FAM220A: variants seen among roughly 807,000 people sequenced by gnomAD.
FAM220A encodes protein FAM220A.
For synonymous variants in FAM220A, 141 were observed against 130.7 expected (o/e 1.08, Z -0.54); for missense variants, 392 against 321.6 (o/e 1.22, Z -1.68).
chr7:6,345,553 G>GT (rs1162433848), intron 1 of FAM220A, among the ~76,000 whole-genome samples: 1 of 152,102 alleles, frequency 6.6e-6, no homozygotes, highest in African/African-American at 2.4e-5. Flanking sequence ...TATGAAAAAG[G>GT]TAACTGTTTC....
intron 1 of FAM220A, among the ~76,000 whole-genome samples, chr7:6,334,250 G>C (rs1045996990): frequency 2.6e-5 from 4 of 151,032 alleles, no homozygotes; most frequent in Non-Finnish European, 4.4e-5. Context: ...TAAAGTTGTT[G>C]ACTGGCTGGG....
chr7:6,346,412 G>T (rs2115151937), intron 1 of FAM220A, among the ~76,000 whole-genome samples: 1 of 152,226 alleles, frequency 6.6e-6, no homozygotes, highest in East Asian at 1.9e-4. Flanking sequence ...TGTCGCCCAG[G>T]CTGGAGTGCA....
chr7:6,331,316 A>G (rs1270345552), intron 1 of FAM220A, 81 bp from the exon 2 acceptor site: 4 of 681,976 alleles, frequency 5.9e-6, no homozygotes, highest in Non-Finnish European at 9.9e-6. Context: ...AATATTTCCT[A>G]ACAAACACTG....
At chr7:6,340,964 C>G (rs1486906252) in intron 1 of FAM220A, among the ~76,000 whole-genome samples, 4 of 38,844 alleles carry the variant, frequency 1.0e-4, no homozygotes, top group African/African-American at 7.4e-4. Flanking sequence ...CCTGTCTCTA[C>G]TAAAAAAAAA....
At position 6,335,030 on chromosome 7, in the gene FAM220A, G is replaced by A. The variant is rs541916948; in HGVS notation, c.-81-3795C>T. Among the ~76,000 whole-genome samples the A allele has an allele frequency of 2.1e-4, 32 of 152,164 alleles. No individual in the cohort carries two copies. The South Asian group carries it at 6.6e-3, about 32-fold the overall frequency. ...GATCCACCCGCCTTGGCCTCCCAAA[G>A]TGGTGGGATTACAGGTGTGAGCCAC... On this transcript the variant is annotated intron_variant, in intron 1 of 1. Coordinates refer to ENST00000313324, the MANE Select transcript of FAM220A (RefSeq NM_001037163.2).
chr7:6,332,004 T>A (rs953508320), intron 1 of FAM220A, among the ~76,000 whole-genome samples: 1 of 150,638 alleles, frequency 6.6e-6, no homozygotes, highest in Non-Finnish European at 1.5e-5. Flanking sequence ...CCCAGCTAGT[T>A]GGGAGGCTGA....
At position 6,330,536 on chromosome 7, in the gene FAM220A, CCTCA is replaced by C. The variant is rs769742511; in HGVS notation, c.615_618del (p.Ser205ArgfsTer11). 110 of 1,614,036 alleles carry C rather than the reference CCTCA, an allele frequency of 6.8e-5. No homozygotes were observed. The highest frequency in any genetic ancestry group is 8.4e-5 in the Non-Finnish European group (99 of 1,180,034). ...CGGTCAAGGAAAATGCGTTTTGTCT[CCTCA>C]CTCAGGAGCACTTCGGGATACACGT... is the stretch of plus-strand genomic sequence containing the variant. On this transcript the variant is annotated frameshift_variant, in exon 2 of 2. Coordinates refer to ENST00000313324, the MANE Select transcript of FAM220A (RefSeq NM_001037163.2). LOFTEE classifies it low-confidence loss of function (END_TRUNC).
rs1248754008 is a variant in FAM220A at position 6,331,028 on chromosome 7, C to A, written c.127G>T (p.Ala43Ser). The A allele has an allele frequency of 6.2e-7, 1 of 1,613,968 alleles. No homozygotes were observed. Among genetic ancestry groups the A allele is most frequent in the East Asian group, 2.2e-5 (1 of 44,900 alleles). Residue 43 changes from alanine to serine, a missense_variant, in exon 2 of 2, where the codon GCA (alanine) becomes TCA (serine). Ala to Ser is a moderately conservative substitution (Grantham distance 99, BLOSUM62 1). Transcript: ENST00000313324. ...ACAGGCTTATTCATCCAGGAGGGTG[C>A]ATCTGCAGGCCAAGGGCCCTCCGGC... Reference protein sequence around the residue: ...RMPEGPWPADAPSWMNKPVVD... With the variant: ...RMPEGPWPADSPSWMNKPVVD...
chr7:6,331,356 T>C (rs558513609), intron 1 of FAM220A, 121 bp from the exon 2 acceptor site: 1 of 617,938 alleles, frequency 1.6e-6, no homozygotes, highest in African/African-American at 1.8e-5. Flanking sequence ...CAGTACAGGG[T>C]TTCACCATAT....
chr7:6,348,497 G>A, intron 1 of FAM220A, 76 bp downstream of exon 1: 2 of 411,866 alleles, frequency 4.9e-6, no homozygotes, highest in South Asian at 1.6e-4. Context: ...AGTGGCAGCT[G>A]CCGTGGCGTC....
At chr7:6,333,896 G>C (rs1237223720) in intron 1 of FAM220A, among the ~76,000 whole-genome samples, 1 of 144,204 alleles carries the variant, frequency 6.9e-6, no homozygotes, top group Non-Finnish European at 1.5e-5. Flanking sequence ...GCCCAGGCTG[G>C]AGTGCAGTGG....
intron 1 of FAM220A, among the ~76,000 whole-genome samples, chr7:6,345,718 T>C (rs1781939536): frequency 6.6e-6 from 1 of 152,094 alleles, no homozygotes; most frequent in African/African-American, 2.4e-5. Flanking sequence ...AGACACTTTT[T>C]GTTTTGCCCT....
chr7:6,336,829 T>C (rs995434673), intron 1 of FAM220A, among the ~76,000 whole-genome samples: 12 of 152,056 alleles, frequency 7.9e-5, no homozygotes, highest in African/African-American at 2.7e-4. Context: ...TAATTTTTTG[T>C]ATTTTGTGTA....
At chr7:6,343,163 G>A (rs6463550) in intron 1 of FAM220A, among the ~76,000 whole-genome samples, 52,324 of 151,244 alleles carry the variant, frequency 0.35, 10,041 homozygotes, top group East Asian at 0.82. Flanking sequence ...GATCCCCTGA[G>A]GTCAGGAGTT....
At chr7:6,342,604 A>C (rs2115146251) in intron 1 of FAM220A, among the ~76,000 whole-genome samples, 1 of 152,294 alleles carries the variant, frequency 6.6e-6, no homozygotes, top group Non-Finnish European at 1.5e-5. Flanking sequence ...TTCTGCTCTA[A>C]GTATACACCC....
chr7:6,341,458 TA>T (rs201512990), intron 1 of FAM220A, among the ~76,000 whole-genome samples: 4,630 of 147,108 alleles, frequency 0.031, 288 homozygotes, highest in African/African-American at 0.11. Context: ...ATAATAATAA[TA>T]ATTATTATTA....
rs147140281 is a variant in FAM220A, at chr7:6,330,897, C to G, written c.258G>C (p.Val86=). The G allele has an allele frequency of 5.4e-5, 87 of 1,614,088 alleles. 1 individual carries two copies. The highest frequency in any genetic ancestry group is 6.7e-5 in the Admixed American group (4 of 59,978). Residue 86 remains valine (V), a synonymous_variant, in exon 2 of 2, where the codon GTG becomes GTC. Coordinates refer to ENST00000313324, the MANE Select transcript of FAM220A (RefSeq NM_001037163.2). ...CTGGATTTCTTCTTACTGATTCTCT[C>G]ACATATGGAAGCACTGGGCCGCCAC... ...LHSGGPVLPY[V]RESVRRNPAS...
rs372216441 is a variant in FAM220A at position 6,338,050 on chromosome 7, T to C, written c.-81-6815A>G. ...AACTCCTGACCTCAGGTGATCCACC[T>C]GCCTCAGCCTCCCAAAGCACTGCGA... On this transcript the variant is annotated intron_variant, in intron 1 of 1. Transcript: ENST00000313324. 8.2e-3 allele frequency among the ~76,000 whole-genome samples: 1,237 copies of C among 151,218 alleles called. 25 individuals are homozygous for C. The highest frequency in any genetic ancestry group is 0.027 in the African/African-American group (1,106 of 40,682).
intron 1 of FAM220A, among the ~76,000 whole-genome samples, chr7:6,348,232 A>G (rs1395198963): frequency 1.4e-5 from 2 of 145,186 alleles, no homozygotes; most frequent in Admixed American, 6.9e-5. Flanking sequence ...ATTAAAAATA[A>G]GGGGGGGGGT....
Sources: gnomAD v4.1 joint callset for allele counts (sites outside exome capture counted in the v4.1 genomes callset) on GRCh38, gnomAD v4.1.1 for gene constraint, MANE v1.5 for transcripts, NCBI Gene and HGNC (gene_info 2026-07-23, HGNC 2026-07-21) for gene names.